PLA2G4D: variants seen among roughly 807,000 people sequenced by gnomAD.
PLA2G4D encodes the protein cytosolic phospholipase A2 delta.
Under a neutral mutation model 94.4 loss-of-function variants are expected in PLA2G4D, and 80 were observed. The ratio of observed to expected loss-of-function variants is 0.85; its 90% CI spans 0.71 to 1.02. PLA2G4D has a LOEUF of 1.02. Among genes scored for constraint, PLA2G4D ranks in the 50% least tolerant of loss-of-function variants. PLA2G4D has a pLI of 0.00. For synonymous variants in PLA2G4D, 438 were observed against 440.9 expected, an observed-to-expected ratio of 0.99 and a Z score of 0.08; for missense variants, 1,050 against 1,034.7, an observed-to-expected ratio of 1.01 and a Z score of -0.20.
intron 13 of PLA2G4D, among the ~76,000 whole-genome samples, chr15:42,076,666 T>C (rs1443179633): frequency 3.3e-5 from 5 of 152,162 alleles, no homozygotes. Flanking sequence ...CTATGATAAA[T>C]GTTCCTTTCA....
chr15:42,084,104 G>A lies in PLA2G4D; in HGVS notation c.472-325C>T. 6.1e-6 allele frequency: 2 copies of A among 325,782 alleles called. No individual in the cohort carries two copies. Among genetic ancestry groups the A allele is most frequent in the Non-Finnish European group, 1.2e-5 (2 of 173,398 alleles). The allele number at this position is 325,782 out of a possible 1,614,324, so 20.2% of individuals were successfully genotyped here. A position where few individuals can be genotyped will look rare whatever the true frequency, so the allele number is the denominator to read the frequency against. Reference sequence around the variant, plus strand: ...TCTTGTTTCCCTGTGGCTTGGAGCTGGAGGAGGTATTCTACCACAACTCCA... The same window carrying A: ...TCTTGTTTCCCTGTGGCTTGGAGCTAGAGGAGGTATTCTACCACAACTCCA... On this transcript the variant is annotated intron_variant, in intron 6 of 19. Transcript: ENST00000290472. The surrounding 1 kb of genome is among the most constrained non-coding windows in gnomAD (Gnocchi z 4.8).
At position 42,084,822 on chromosome 15, in the gene PLA2G4D, G is replaced by A. The variant is rs1338831874; in HGVS notation, c.471+274C>T. Reference sequence around the variant, plus strand: ...CCCTAGAACTATGAGTTCACCGCAGGTGACTAAACACCTTCCGGAAGCACC... The same window carrying A: ...CCCTAGAACTATGAGTTCACCGCAGATGACTAAACACCTTCCGGAAGCACC... On this transcript the variant is annotated intron_variant, in intron 6 of 19. Transcript: ENST00000290472. The surrounding 1 kb of genome is among the most constrained non-coding windows in gnomAD (Gnocchi z 4.8). 6.6e-6 allele frequency among the ~76,000 whole-genome samples: 1 copy of A among 152,140 alleles called. No individual in the cohort carries two copies. Among genetic ancestry groups the A allele is most frequent in the African/African-American group, 2.4e-5 (1 of 41,436 alleles).
chr15:42,093,625 G>A (rs1324650443), intron 1 of PLA2G4D, among the ~76,000 whole-genome samples: 7 of 152,186 alleles, frequency 4.6e-5, no homozygotes, highest in African/African-American at 1.7e-4. Context: ...TCTTCCCCCA[G>A]GGCTCCTTAG....
intron 12 of PLA2G4D, among the ~76,000 whole-genome samples, chr15:42,080,360 G>C (rs1317204739): frequency 6.6e-6 from 1 of 152,156 alleles, no homozygotes; most frequent in Non-Finnish European, 1.5e-5. Flanking sequence ...ATTTCAATAA[G>C]ACTCAAAGGA....
rs1465050728 is a variant in PLA2G4D, at chr15:42,068,453, T to C, written c.*262A>G. On this transcript the variant is annotated 3_prime_UTR_variant, in exon 20 of 20. Coordinates refer to ENST00000290472, the MANE Select transcript of PLA2G4D (RefSeq NM_178034.4). Reference sequence around the variant, plus strand: ...CTATCCTGCTCAGGCATGGAAGTAATTGTGGTGTGAAAGTCTGTCTGGTTG... The same window carrying C: ...CTATCCTGCTCAGGCATGGAAGTAACTGTGGTGTGAAAGTCTGTCTGGTTG... 2 of 499,734 alleles carry C rather than the reference T, an allele frequency of 4.0e-6. No individual in the cohort carries two copies. The highest frequency in any genetic ancestry group is 7.3e-6 in the Non-Finnish European group (2 of 275,674). 31.0% of individuals were successfully genotyped at this position (499,734 alleles called of 1,614,324 possible).
intron 1 of PLA2G4D, among the ~76,000 whole-genome samples, chr15:42,090,781 G>A (rs1890232681): frequency 1.3e-5 from 2 of 152,290 alleles, no homozygotes; most frequent in South Asian, 4.1e-4. Flanking sequence ...GGGGGAAGGG[G>A]TACAGCCTTC....
chr15:42,072,419 A>T (rs751218186), intron 13 of PLA2G4D, 27 bp from the exon 14 acceptor site: 26 of 1,585,902 alleles, frequency 1.6e-5, no homozygotes, highest in Non-Finnish European at 2.2e-5. Flanking sequence ...TCAGGGCCTA[A>T]GTGAGGCTGG....
At chr15:42,086,849 T>A (rs1296100464) in intron 3 of PLA2G4D, among the ~76,000 whole-genome samples, 1 of 152,098 alleles carries the variant, frequency 6.6e-6, no homozygotes, top group Non-Finnish European at 1.5e-5. Context: ...CAAGACTCTG[T>A]CTCAAAAACA....
At chr15:42,088,955 A>G (rs1047052118) in intron 1 of PLA2G4D, among the ~76,000 whole-genome samples, 11 of 152,280 alleles carry the variant, frequency 7.2e-5, no homozygotes, top group African/African-American at 2.6e-4. Context: ...GGCCCTGCTG[A>G]ACAACCCAGA....
chr15:42,079,620 G>A lies in PLA2G4D; in HGVS notation c.1234C>T (p.Leu412=), dbSNP rs372294896. ...PERLASYRRE[L]ELRAEQGHPT... is the part of the protein sequence containing the mutation. ...TGGCCCTGCTCAGCCCGCAGCTCCAGCTCCCGGCGGTAGCTCGCCAGGCGC... is the reference window on the plus strand; with the variant it reads ...TGGCCCTGCTCAGCCCGCAGCTCCAACTCCCGGCGGTAGCTCGCCAGGCGC... The change falls in exon 13 of 20, where the codon CTG becomes TTG. Residue 412 remains leucine, a synonymous_variant. Transcript: ENST00000290472. The A allele has an allele frequency of 2.5e-6, 4 of 1,611,420 alleles. No individual in the cohort carries two copies. The African/African-American group carries it at 4.0e-5, about 16-fold the overall frequency.
intron 1 of PLA2G4D, among the ~76,000 whole-genome samples, chr15:42,088,996 C>A (rs1480149963): frequency 2.0e-5 from 3 of 152,240 alleles, no homozygotes; most frequent in Non-Finnish European, 4.4e-5. Flanking sequence ...AAAACCCGTG[C>A]TGGGGCTTCT....
Position 42,070,697 on chromosome 15 carries a change from C to A in PLA2G4D, c.2043+20G>T. Reference sequence around the variant, plus strand: ...TTGGCCTGGCTGGGCAGAGGGGTTCCCCTGGGGTGACCAGGGTACCTCGAA... The same window carrying A: ...TTGGCCTGGCTGGGCAGAGGGGTTCACCTGGGGTGACCAGGGTACCTCGAA... On this transcript the variant is annotated intron_variant, in intron 18 of 19. Coordinates refer to ENST00000290472, the MANE Select transcript of PLA2G4D (RefSeq NM_178034.4). 1 of 1,550,304 alleles carries A rather than the reference C, an allele frequency of 6.5e-7. No homozygotes were observed. The highest frequency in any genetic ancestry group is 8.7e-7 in the Non-Finnish European group (1 of 1,146,128).
chr15:42,075,905 G>GA (rs1244494613), intron 13 of PLA2G4D, among the ~76,000 whole-genome samples: 1 of 135,830 alleles, frequency 7.4e-6, no homozygotes, highest in African/African-American at 2.7e-5. Flanking sequence ...GAGGGAGGGA[G>GA]GGAGAGGGGA....
chr15:42,091,571 C>T (rs1020162141), intron 1 of PLA2G4D, among the ~76,000 whole-genome samples: 77 of 140,324 alleles, frequency 5.5e-4, no homozygotes, highest in African/African-American at 1.9e-3. Flanking sequence ...CTTAGCAGAC[C>T]GGGAAAGGGA....
chr15:42,086,194 T>TTGGGGGGGGGGCCCCCC lies in PLA2G4D; in HGVS notation c.387+18_387+19insGGGGGGCCCCCCCCCCA. On this transcript the variant is annotated intron_variant, in intron 4 of 19. Coordinates refer to ENST00000290472, the MANE Select transcript of PLA2G4D (RefSeq NM_178034.4). ...GGAAGAAGTGGGGCCCACGGGGACT[T>TTGGGGGGGGGGCCCCCC]CCCCACCCACCCACCCACCTGGGGA... 1.5e-6 allele frequency: 2 copies of TTGGGGGGGGGGCCCCCC among 1,370,440 alleles called. No homozygotes were observed. The highest frequency in any genetic ancestry group is 1.5e-5 in the South Asian group (1 of 66,866). The allele number at this position is 1,370,440 out of a possible 1,614,324, so 84.9% of individuals were successfully genotyped here. A position where few individuals can be genotyped will look rare whatever the true frequency, so the allele number is the denominator to read the frequency against.
chr15:42,087,202 C>A, intron 3 of PLA2G4D, 98 bp downstream of exon 3: 1 of 1,514,204 alleles, frequency 6.6e-7, no homozygotes, highest in South Asian at 1.2e-5. Context: ...CTGAGAGTTT[C>A]TCTGACAGCC....
rs1190586429 is a variant in PLA2G4D, at chr15:42,085,752, C to T, written c.388-221G>A. 3.3e-5 allele frequency among the ~76,000 whole-genome samples: 5 copies of T among 152,254 alleles called. No individual in the cohort carries two copies. The South Asian group carries it at 1.0e-3, about 31-fold the overall frequency. ...AGTAAGTCTGCAGAGAACAGGTCTC[C>T]CTCCCTTGGAGGTCCCACAACTCTG... On this transcript the variant is annotated intron_variant, in intron 4 of 19. Coordinates refer to ENST00000290472, the MANE Select transcript of PLA2G4D (RefSeq NM_178034.4).
At position 42,083,256 on chromosome 15, in the gene PLA2G4D, G is replaced by A. The variant is rs1268237577; in HGVS notation, c.614C>T (p.Ser205Phe). The A allele has an allele frequency of 2.5e-6, 4 of 1,614,190 alleles. No individual in the cohort carries two copies. Residue 205 changes from serine to phenylalanine, a missense_variant, in exon 8 of 20, where the codon TCT (serine) becomes TTT (phenylalanine). Coordinates refer to ENST00000290472, the MANE Select transcript of PLA2G4D (RefSeq NM_178034.4). ...DTQTSFLGTA[S>F]AFRFHYMAAL... Reference sequence around the variant, plus strand: ...TGCCATGTAGTGGAAGCGGAAGGCAGAGGCTGTGCCCAGGAAGGATGTCTG... The same window carrying A: ...TGCCATGTAGTGGAAGCGGAAGGCAAAGGCTGTGCCCAGGAAGGATGTCTG...
chr15:42,074,559 C>T (rs545397751), intron 13 of PLA2G4D, among the ~76,000 whole-genome samples: 36 of 152,156 alleles, frequency 2.4e-4, no homozygotes, highest in African/African-American at 7.7e-4. Context: ...ATTTTACGAG[C>T]GGGTTTTTAT....
Sources: allele counts gnomAD v4.1 joint callset (sites outside exome capture counted in the v4.1 genomes callset), GRCh38; gene constraint gnomAD v4.1.1; non-coding constraint Gnocchi (gnomAD v3.1); transcripts MANE v1.5; gene names NCBI Gene and HGNC (gene_info 2026-07-23, HGNC 2026-07-21).